Variants in ROBO1 observed in about 807,000 individuals in gnomAD.
The protein encoded by ROBO1 is roundabout guidance receptor 1.
In ROBO1, 149 loss-of-function variants were observed where a neutral mutation model predicts 195.9. The ratio of observed to expected loss-of-function variants is 0.76; its 90% confidence interval spans 0.67 to 0.87. ROBO1 has a LOEUF of 0.87. Ranked by LOEUF, ROBO1 falls within the 40% of genes least tolerant of loss-of-function variation. ROBO1 has a pLI of 0.00. For missense variants in ROBO1, 1,933 were observed against 2,068.3 expected (o/e 0.93, Z 1.27); for synonymous variants, 816 against 733.2 (o/e 1.11, Z -1.82).
chr3:78,644,060 G>A (rs905378758), intron 21 of ROBO1, among the ~76,000 whole-genome samples: 1 of 152,018 alleles, frequency 6.6e-6, no homozygotes, highest in African/African-American at 2.4e-5. Flanking sequence ...GCAGACACAA[G>A]AGAAGTCAGT....
chr3:79,269,812 C>T (rs569572533), intron 2 of ROBO1, among the ~76,000 whole-genome samples: 1 of 151,818 alleles, frequency 6.6e-6, no homozygotes, highest in Admixed American at 6.6e-5. Context: ...CAACTCCCAT[C>T]AACATAGACT....
At chr3:79,700,332 TG>T in intron 1 of ROBO1, among the ~76,000 whole-genome samples, 1 of 150,894 alleles carries the variant, frequency 6.6e-6, no homozygotes, top group Non-Finnish European at 1.5e-5. Context: ...TGTGTGTGTG[TG>T]TGTGTGTGTG....
intron 1 of ROBO1, among the ~76,000 whole-genome samples, chr3:79,599,307 C>A (rs890541455): frequency 6.6e-6 from 1 of 151,954 alleles, no homozygotes; most frequent in Non-Finnish European, 1.5e-5. Context: ...TTAAAGCCAG[C>A]AGTTTAACAT....
chr3:79,597,925 T>C (rs1024272695), intron 1 of ROBO1, among the ~76,000 whole-genome samples: 4 of 152,070 alleles, frequency 2.6e-5, no homozygotes, highest in Non-Finnish European at 4.4e-5. Flanking sequence ...TGAAGATTCC[T>C]TACATGTAGG....
At chr3:79,288,791 C>A (rs926045100) in intron 2 of ROBO1, among the ~76,000 whole-genome samples, 1 of 151,300 alleles carries the variant, frequency 6.6e-6, no homozygotes, top group Non-Finnish European at 1.5e-5. Context: ...ATATCTCGAC[C>A]TTTTTTTTTC....
chr3:79,204,430 T>A (rs1014543068), intron 2 of ROBO1, among the ~76,000 whole-genome samples: 3 of 152,048 alleles, frequency 2.0e-5, no homozygotes, highest in African/African-American at 7.2e-5. Flanking sequence ...ACCTCCATTC[T>A]TTATTTATCT....
chr3:79,186,330 C>T (rs1016456020), intron 2 of ROBO1, among the ~76,000 whole-genome samples: 1 of 150,432 alleles, frequency 6.6e-6, no homozygotes. Context: ...TCTACACACA[C>T]ATATTTATAA....
At chr3:78,912,264 G>C (rs979886386) in intron 4 of ROBO1, among the ~76,000 whole-genome samples, 6 of 152,050 alleles carry the variant, frequency 3.9e-5, no homozygotes, top group Admixed American at 6.6e-5. Flanking sequence ...GACAGAAAGA[G>C]AGCATGGTTT....
intron 3 of ROBO1, among the ~76,000 whole-genome samples, chr3:78,968,461 G>A (rs2076694793): frequency 6.6e-6 from 1 of 151,672 alleles, no homozygotes; most frequent in Admixed American, 6.6e-5. Flanking sequence ...TCACCATGAT[G>A]GGGATGGGGT....
At chr3:79,017,450 A>AGTGC (rs2077973928) in intron 3 of ROBO1, among the ~76,000 whole-genome samples, 1 of 133,432 alleles carries the variant, frequency 7.5e-6, no homozygotes, top group Admixed American at 7.6e-5. Flanking sequence ...TCCGAGGTGC[A>AGTGC]GTGTGTGTGT....
chr3:79,586,550 T>C (rs1458667663), intron 2 of ROBO1, among the ~76,000 whole-genome samples: 1 of 151,982 alleles, frequency 6.6e-6, no homozygotes, highest in Non-Finnish European at 1.5e-5. Context: ...AACTTTAAAG[T>C]GTTCTGTCTG....
chr3:78,686,396 A>C (rs1281836856), intron 9 of ROBO1, among the ~76,000 whole-genome samples: 1 of 151,932 alleles, frequency 6.6e-6, no homozygotes, highest in African/African-American at 2.4e-5. Context: ...CTCTACTAAA[A>C]ATACAAAAAA....
At chr3:79,722,156 A>G (rs1210633556) in intron 1 of ROBO1, among the ~76,000 whole-genome samples, 1 of 149,680 alleles carries the variant, frequency 6.7e-6, no homozygotes, top group Non-Finnish European at 1.5e-5. Context: ...GAAACTAAAT[A>G]ATATTTTACT....
At chr3:78,642,327 A>C (rs2107573773) in intron 21 of ROBO1, among the ~76,000 whole-genome samples, 1 of 152,296 alleles carries the variant, frequency 6.6e-6, no homozygotes, top group South Asian at 2.1e-4. Flanking sequence ...TTGAACTGCT[A>C]AATCACAAAA....
intron 2 of ROBO1, among the ~76,000 whole-genome samples, chr3:79,540,385 T>G (rs912742696): frequency 6.6e-6 from 1 of 152,128 alleles, no homozygotes; most frequent in Admixed American, 6.6e-5. Flanking sequence ...TTTAGTTTTA[T>G]AGGTTACATT....
intron 2 of ROBO1, among the ~76,000 whole-genome samples, chr3:79,278,994 A>T (rs991813298): frequency 1.3e-5 from 2 of 152,080 alleles, no homozygotes; most frequent in Non-Finnish European, 2.9e-5. Context: ...CAGCAGATAA[A>T]AAAATGGACA....
intron 2 of ROBO1, among the ~76,000 whole-genome samples, chr3:79,259,631 C>T (rs2082903460): frequency 6.6e-6 from 1 of 151,984 alleles, no homozygotes; most frequent in South Asian, 2.1e-4. Context: ...CTCTCTATAT[C>T]CACCCACAGA....
intron 3 of ROBO1, among the ~76,000 whole-genome samples, chr3:79,079,838 T>A (rs1406480113): frequency 6.6e-6 from 1 of 151,834 alleles, no homozygotes; most frequent in Non-Finnish European, 1.5e-5. Flanking sequence ...GAAGCGATAG[T>A]CCATTTTTAA....
chr3:79,562,006 C>T (rs1193263369), intron 2 of ROBO1, among the ~76,000 whole-genome samples: 2 of 152,248 alleles, frequency 1.3e-5, no homozygotes, highest in East Asian at 1.9e-4. Context: ...TCTTAGGTGA[C>T]AAATGATAGC....
Sources: allele counts gnomAD v4.1 joint callset (sites outside exome capture counted in the v4.1 genomes callset), GRCh38; gene constraint gnomAD v4.1.1; transcripts MANE v1.5; gene names NCBI Gene and HGNC (gene_info 2026-07-23, HGNC 2026-07-21).